MAMLD1: variants seen among roughly 807,000 people sequenced by gnomAD.
MAMLD1 encodes the protein mastermind like domain containing 1, also known as mastermind-like domain-containing protein 1.
In MAMLD1, 14 loss-of-function variants were observed where a neutral mutation model predicts 45.0. The ratio of observed to expected loss-of-function variants is 0.31; its 90% CI spans 0.21 to 0.49. The LOEUF (loss-of-function observed/expected upper bound fraction) is 0.49, where lower values mean the gene tolerates loss of function less well. Ranked by LOEUF, MAMLD1 falls within the 20% of genes least tolerant of loss-of-function variation. MAMLD1 has a pLI of 0.99. For missense variants in MAMLD1, 543 were observed against 603.6 expected (o/e 0.90, Z 1.05); for synonymous variants, 254 against 247.8 (o/e 1.02, Z -0.24).
chrX:150,486,590 A>G (rs1453257999), intron 5 of MAMLD1, among the ~76,000 whole-genome samples: 4 of 111,240 alleles, frequency 3.6e-5, no homozygotes, highest in Non-Finnish European at 5.7e-5. Flanking sequence ...TCATTCATAC[A>G]CACCTTCCTT....
At chrX:150,372,370 G>C (rs1557401122) in intron 1 of MAMLD1, among the ~76,000 whole-genome samples, 1 of 111,443 alleles carries the variant, frequency 9.0e-6, no homozygotes. Context: ...GTTTGGGTTT[G>C]GCTCTTAATG....
At chrX:150,436,210 CT>C (rs1481319408) in intron 1 of MAMLD1, among the ~76,000 whole-genome samples, 2 of 107,538 alleles carry the variant, frequency 1.9e-5, no homozygotes, top group African/African-American at 6.8e-5. Context: ...TGGGGATGGT[CT>C]TCTTGTGTAG....
At chrX:150,497,296 T>C (rs1173890059) in intron 5 of MAMLD1, among the ~76,000 whole-genome samples, 1 of 101,392 alleles carries the variant, frequency 9.9e-6, no homozygotes, top group Non-Finnish European at 2.0e-5. Flanking sequence ...TTTTTTTTTT[T>C]TTTTTGAGAT....
At chrX:150,428,731 G>C (rs1949020369) in intron 1 of MAMLD1, among the ~76,000 whole-genome samples, 1 of 112,098 alleles carries the variant, frequency 8.9e-6, no homozygotes, top group African/African-American at 3.2e-5. Context: ...TTGGACCAAA[G>C]TCAATGTACA....
intron 1 of MAMLD1, among the ~76,000 whole-genome samples, chrX:150,430,269 G>A (rs1365111005): frequency 1.8e-5 from 2 of 109,744 alleles, no homozygotes; most frequent in Non-Finnish European, 3.8e-5. Flanking sequence ...ACTCACCTTG[G>A]CCCCCAAAAT....
rs782593541 is a variant in MAMLD1, at chrX:150,462,595, G to A, written c.97-177G>A. Reference sequence around the variant, plus strand: ...TTGCTAGTCTCCCGCACTCCACACCGGATCCCACAGTCTATGTTCAAGTAA... The same window carrying A: ...TTGCTAGTCTCCCGCACTCCACACCAGATCCCACAGTCTATGTTCAAGTAA... On this transcript the variant is annotated intron_variant, in intron 2 of 7. Transcript: ENST00000370401. 5.4e-5 allele frequency among the ~76,000 whole-genome samples: 6 copies of A among 111,947 alleles called. No individual in the cohort carries two copies. The East Asian group carries it at 1.4e-3, about 26-fold the overall frequency.
At chrX:150,457,029 G>A (rs2035892525) in intron 2 of MAMLD1, among the ~76,000 whole-genome samples, 1 of 112,920 alleles carries the variant, frequency 8.9e-6, no homozygotes, top group African/African-American at 3.2e-5. Flanking sequence ...TCTGCCATAG[G>A]ACATTAGGGC....
intron 1 of MAMLD1, among the ~76,000 whole-genome samples, chrX:150,422,516 TCTC>T (rs2034552730): frequency 9.0e-6 from 1 of 111,722 alleles, no homozygotes; most frequent in African/African-American, 3.3e-5. Context: ...TTCAAGCAAT[TCTC>T]CTGCCTCAGC....
intron 6 of MAMLD1, 64 bp downstream of exon 6, chrX:150,503,581 G>A: frequency 1.5e-6 from 1 of 651,324 alleles, no homozygotes; most frequent in South Asian, 2.3e-5. Flanking sequence ...CCCCTGCTCA[G>A]CCTGCCCGCC....
chrX:150,479,702 A>T (rs2036692747), intron 5 of MAMLD1, among the ~76,000 whole-genome samples: 1 of 112,218 alleles, frequency 8.9e-6, no homozygotes, highest in South Asian at 3.7e-4. Context: ...GTATCTCCTT[A>T]TGAATACCTA....
Position 150,512,210 on chromosome X carries a change from C to A in MAMLD1, c.*251C>A. On this transcript the variant is annotated 3_prime_UTR_variant, in exon 8 of 8. Transcript: ENST00000370401. ...GCAAGGAATTTTCACCTCCAGCCCC[C>A]AGTGTCCCATCCTCTCACACTCAGG... The A allele has an allele frequency of 8.9e-7, 1 of 1,129,096 alleles. No individual in the cohort carries two copies. Among genetic ancestry groups the A allele is most frequent in the Non-Finnish European group, 1.2e-6 (1 of 857,573 alleles). The allele number at this position is 1,129,096 out of a possible 1,213,427, so 93.1% of individuals were successfully genotyped here. A position where few individuals can be genotyped will look rare whatever the true frequency, so the allele number is the denominator to read the frequency against.
intron 5 of MAMLD1, among the ~76,000 whole-genome samples, chrX:150,489,329 C>G (rs782717368): frequency 2.4e-4 from 27 of 110,677 alleles, no homozygotes; most frequent in Non-Finnish European, 4.3e-4. Context: ...TGAGAGCTCT[C>G]TTCCTGATTA....
rs1569564622 is a variant in MAMLD1, at chrX:150,398,332, GAAGAAGAAGA to G, written c.-64+34803_-64+34812del. On this transcript the variant is annotated intron_variant, in intron 1 of 7. Coordinates refer to ENST00000370401, the MANE Select transcript of MAMLD1 (RefSeq NM_005491.5). ...AGAAGAAGAAGAAGAAGAAGAAGAA[GAAGAAGAAGA>G]GGAAGAGGAAGAGGAAGAGGAAGAG... 1.4e-3 allele frequency among the ~76,000 whole-genome samples: 111 copies of G among 80,557 alleles called. 2 individuals carry two copies. The highest frequency in any genetic ancestry group is 2.1e-3 in the South Asian group (4 of 1,920). 70.0% of individuals were successfully genotyped at this position (80,557 alleles called of 115,157 possible).
At chrX:150,446,822 T>C (rs1402481719) in intron 2 of MAMLD1, among the ~76,000 whole-genome samples, 1 of 112,713 alleles carries the variant, frequency 8.9e-6, no homozygotes, top group African/African-American at 3.2e-5. Context: ...TGATCAACAA[T>C]TGAGTCAGTA....
At chrX:150,506,512 G>C (rs1292022697) in intron 6 of MAMLD1, among the ~76,000 whole-genome samples, 3 of 111,355 alleles carry the variant, frequency 2.7e-5, no homozygotes, top group Non-Finnish European at 3.8e-5. Context: ...GAGTCAGGAT[G>C]CTCTCCTCCA....
intron 5 of MAMLD1, among the ~76,000 whole-genome samples, chrX:150,478,626 A>C (rs1478964333): frequency 8.9e-6 from 1 of 112,615 alleles, no homozygotes; most frequent in African/African-American, 3.2e-5. Flanking sequence ...TGTGTTGTCC[A>C]CCAGTCAAAT....
chrX:150,496,711 G>T (rs1259677051), intron 5 of MAMLD1, among the ~76,000 whole-genome samples: 2 of 111,653 alleles, frequency 1.8e-5, no homozygotes, highest in African/African-American at 6.5e-5. Flanking sequence ...ATGCCCAGTG[G>T]CCCACCAACC....
At chrX:150,503,157 T>G in intron 5 of MAMLD1, 117 bp from the exon 6 acceptor site, 1 of 638,114 alleles carries the variant, frequency 1.6e-6, no homozygotes, top group Non-Finnish European at 2.7e-6. Flanking sequence ...CCAAAGCAGT[T>G]GGTGGGTATA....
intron 1 of MAMLD1, 142 bp from the exon 2 acceptor site, chrX:150,445,312 A>T (rs2035450872): frequency 2.3e-6 from 1 of 430,721 alleles, no homozygotes; most frequent in African/African-American, 2.4e-5. Flanking sequence ...GGGGTGCTCA[A>T]TGAGGGTGGT....
Sources: allele counts gnomAD v4.1 joint callset (sites outside exome capture counted in the v4.1 genomes callset), GRCh38; gene constraint gnomAD v4.1.1; transcripts MANE v1.5; gene names NCBI Gene and HGNC (gene_info 2026-07-23, HGNC 2026-07-21).